Variants in AGBL1 observed in about 807,000 individuals in gnomAD.
AGBL1 encodes cytosolic carboxypeptidase 4.
AGBL1 carries 130 observed loss-of-function variants against 118.9 expected under a neutral mutation model. The ratio of observed to expected loss-of-function variants is 1.09; its 90% confidence interval spans 0.95 to 1.26. AGBL1 has a LOEUF of 1.26. Ranked by LOEUF, AGBL1 falls within the 50% of genes most tolerant of loss-of-function variation. The pLI is 0.00. For synonymous variants in AGBL1, 555 were observed against 478.9 expected (o/e 1.16, Z -2.08); for missense variants, 1,584 against 1,298.1 (o/e 1.22, Z -3.38).
intron 21 of AGBL1, among the ~76,000 whole-genome samples, chr15:86,560,072 C>T (rs943884282): frequency 3.9e-5 from 6 of 152,088 alleles, no homozygotes; most frequent in African/African-American, 1.4e-4. Context: ...TTATGGATCA[C>T]CCAGACCAGG....
intron 18 of AGBL1, among the ~76,000 whole-genome samples, chr15:86,457,380 C>T (rs866082630): frequency 4.6e-5 from 7 of 152,110 alleles, no homozygotes; most frequent in East Asian, 1.9e-4. Context: ...TCAACAGGTT[C>T]GTCGCAGCCT....
chr15:86,806,237 T>A (rs953260688), intron 22 of AGBL1, among the ~76,000 whole-genome samples: 5 of 152,052 alleles, frequency 3.3e-5, no homozygotes, highest in African/African-American at 1.2e-4. Context: ...TATAGATCAA[T>A]GGGGTCAAGA....
intron 23 of AGBL1, among the ~76,000 whole-genome samples, chr15:86,966,283 T>C (rs1437517167): frequency 1.1e-4 from 16 of 151,660 alleles, no homozygotes; most frequent in Admixed American, 5.3e-4. Context: ...CCATTTCTTT[T>C]TTTTTTTTTT....
At chr15:86,529,548 A>G (rs1012713720) in intron 19 of AGBL1, among the ~76,000 whole-genome samples, 85 of 129,130 alleles carry the variant, frequency 6.6e-4, no homozygotes, top group Admixed American at 1.1e-3. Flanking sequence ...GATATTATCC[A>G]GGAGAACTTC....
chr15:86,450,727 C>T (rs998702508), intron 18 of AGBL1, among the ~76,000 whole-genome samples: 2 of 152,122 alleles, frequency 1.3e-5, no homozygotes, highest in Non-Finnish European at 2.9e-5. Flanking sequence ...CTTCTTTGAG[C>T]CTCATCTATA....
Position 87,012,359 on chromosome 15 carries a change from G to C in AGBL1, c.3324-16466G>C, listed in dbSNP as rs570209900. 1.1e-4 allele frequency among the ~76,000 whole-genome samples: 17 copies of C among 152,050 alleles called. No individual in the cohort carries two copies. The South Asian group carries it at 3.5e-3, about 32-fold the overall frequency. Reference sequence around the variant, plus strand: ...TTTGGGGGGGTACTTTCCTACATTGGAGGGTAAAATACAAAGGATTATACT... The same window carrying C: ...TTTGGGGGGGTACTTTCCTACATTGCAGGGTAAAATACAAAGGATTATACT... On this transcript the variant is annotated intron_variant, in intron 24 of 24. Transcript: ENST00000441037.
chr15:86,114,399 G>C (rs1238232249), intron 1 of AGBL1, among the ~76,000 whole-genome samples: 3 of 152,130 alleles, frequency 2.0e-5, no homozygotes, highest in African/African-American at 7.2e-5. Flanking sequence ...ACTCTGGTCT[G>C]CTTGTGTGTG....
chr15:86,465,682 C>A (rs1367258032), intron 18 of AGBL1, among the ~76,000 whole-genome samples: 1 of 152,130 alleles, frequency 6.6e-6, no homozygotes, highest in Non-Finnish European at 1.5e-5. Context: ...CTCCTGCACA[C>A]CCCCAGGCTT....
At chr15:87,006,455 A>G (rs2081505081) in intron 24 of AGBL1, among the ~76,000 whole-genome samples, 1 of 152,126 alleles carries the variant, frequency 6.6e-6, no homozygotes, top group Non-Finnish European at 1.5e-5. Context: ...TGTGCTAGCC[A>G]TGAGTGAGGC....
chr15:86,359,027 T>A (rs1176786111), intron 17 of AGBL1, among the ~76,000 whole-genome samples: 1 of 151,948 alleles, frequency 6.6e-6, no homozygotes, highest in African/African-American at 2.4e-5. Context: ...TTTAGTTTGG[T>A]GTAATCCTAC....
At chr15:86,859,271 C>A (rs1421998704) in intron 22 of AGBL1, among the ~76,000 whole-genome samples, 1 of 152,202 alleles carries the variant, frequency 6.6e-6, no homozygotes, top group Non-Finnish European at 1.5e-5. Context: ...CTGGGCAAGG[C>A]ACTTCCCACA....
At chr15:86,277,449 C>T (rs186786595) in intron 15 of AGBL1, among the ~76,000 whole-genome samples, 15 of 152,118 alleles carry the variant, frequency 9.9e-5, no homozygotes, top group Admixed American at 2.0e-4. Flanking sequence ...AAGGATTAGC[C>T]CATTTTATTT....
intron 22 of AGBL1, among the ~76,000 whole-genome samples, chr15:86,849,365 G>A (rs1291162822): frequency 6.6e-6 from 1 of 152,192 alleles, no homozygotes; most frequent in Non-Finnish European, 1.5e-5. Context: ...GGCATAGTAA[G>A]TAGCCATTCC....
chr15:86,490,406 G>A (rs1195504061), intron 18 of AGBL1, among the ~76,000 whole-genome samples: 1 of 152,060 alleles, frequency 6.6e-6, no homozygotes, highest in Non-Finnish European at 1.5e-5. Flanking sequence ...TCGTTAGAAC[G>A]AAAGGTTCCT....
intron 16 of AGBL1, among the ~76,000 whole-genome samples, chr15:86,285,969 T>C (rs1597681175): frequency 6.6e-6 from 1 of 152,108 alleles, no homozygotes; most frequent in East Asian, 1.9e-4. Flanking sequence ...CTTCCGCATA[T>C]CTGATTTATA....
chr15:86,448,498 C>T (rs1050701132), intron 18 of AGBL1, among the ~76,000 whole-genome samples: 1 of 152,158 alleles, frequency 6.6e-6, no homozygotes, highest in Non-Finnish European at 1.5e-5. Context: ...AAAGATCCAC[C>T]TCCCCACCCA....
intron 18 of AGBL1, among the ~76,000 whole-genome samples, chr15:86,444,835 A>G (rs11632196): frequency 0.13 from 20,199 of 152,148 alleles, 1,832 homozygotes; most frequent in East Asian, 0.3. Flanking sequence ...CCATCTTGGG[A>G]AAAAGGAAGG....
chr15:86,843,730 T>C (rs182969331), intron 22 of AGBL1, among the ~76,000 whole-genome samples: 8 of 152,332 alleles, frequency 5.3e-5, no homozygotes, highest in Admixed American at 1.3e-4. Context: ...TTTAGCTTTA[T>C]TGAGGTATAG....
intron 22 of AGBL1, among the ~76,000 whole-genome samples, chr15:86,749,169 G>T (rs1042887064): frequency 6.6e-6 from 1 of 151,988 alleles, no homozygotes; most frequent in East Asian, 1.9e-4. Flanking sequence ...ATTTGTTTGT[G>T]TCCTCTTTTA....
Sources: allele counts gnomAD v4.1 joint callset (sites outside exome capture counted in the v4.1 genomes callset), GRCh38; gene constraint gnomAD v4.1.1; transcripts MANE v1.5; gene names NCBI Gene and HGNC (gene_info 2026-07-23, HGNC 2026-07-21).